PHF6: variants seen among roughly 807,000 people sequenced by gnomAD.
PHF6 encodes the protein PHD-like zinc finger protein.
In PHF6, 7 loss-of-function variants were observed where a neutral mutation model predicts 34.0. That is an observed-to-expected ratio of 0.21 (90% CI 0.12 to 0.39). PHF6 has a LOEUF of 0.39. Among genes scored for constraint, PHF6 ranks in the 10% least tolerant of loss-of-function variants. The probability of loss-of-function intolerance (pLI) is 1.00; values close to 1 mark genes in which losing one functional copy is unlikely to be tolerated. For missense variants in PHF6, 128 were observed against 262.8 expected (o/e 0.49, Z 3.55); for synonymous variants, 89 against 88.4 (o/e 1.01, Z -0.04).
chrX:134,398,100 AAGAT>A (rs2077384765), intron 5 of PHF6, among the ~76,000 whole-genome samples: 1 of 112,078 alleles, frequency 8.9e-6, no homozygotes, highest in Non-Finnish European at 1.9e-5. Context: ...ATGTAAGTAA[AAGAT>A]AGATAGAGGC....
intron 3 of PHF6, among the ~76,000 whole-genome samples, chrX:134,392,902 C>T (rs182616305): frequency 1.9e-3 from 208 of 110,440 alleles, no homozygotes; most frequent in Non-Finnish European, 2.5e-3. Context: ...TGGGTTCAAG[C>T]AGTTATGCTT....
Position 134,393,607 on chromosome X carries a change from G to A in PHF6, c.347G>A (p.Arg116Gln), listed in dbSNP as rs267606359. Residue 116 changes from arginine (R) to glutamine (Q), a missense_variant, in exon 4 of 11, where the codon CGA becomes CAA. Arg to Gln is a conservative substitution (Grantham distance 43). Coordinates refer to ENST00000370803, the MANE Select transcript of PHF6 (RefSeq NM_001015877.2). ...GCATTGCATGATAAAGCTCAAATAC[G>A]AGAGAAACCTTCACAAGGAATTTAC... The part of the protein sequence containing the change: ...HCALHDKAQI[R>Q]EKPSQGIYMV... The A allele has an allele frequency of 1.7e-6, 2 of 1,206,210 alleles. No individual in the cohort carries two copies. The highest frequency in any genetic ancestry group is 1.1e-6 in the Non-Finnish European group (1 of 891,356).
At chrX:134,420,274 C>T (rs1206583936) in intron 9 of PHF6, 1 of 102,865 alleles carries the variant, frequency 9.7e-6, no homozygotes, top group Non-Finnish European at 2.0e-5. Flanking sequence ...CCCCACTGCA[C>T]TCCAGCCTGG....
At chrX:134,399,970 A>G (rs960334297) in intron 5 of PHF6, among the ~76,000 whole-genome samples, 1 of 111,756 alleles carries the variant, frequency 8.9e-6, no homozygotes. Flanking sequence ...TACTGATACC[A>G]CTGATACTTT....
At chrX:134,424,916 A>G (rs1168866315) in intron 9 of PHF6, among the ~76,000 whole-genome samples, 1 of 111,806 alleles carries the variant, frequency 8.9e-6, no homozygotes, top group Non-Finnish European at 1.9e-5. Context: ...AAGTTGGCCA[A>G]AACTTTGCTT....
rs755665563 is a variant in PHF6 at position 134,428,134 on chromosome X, G to GT, written c.*2480dup. ...TCTTTCTTTTTTCTTTTTTTGTTTT[G>GT]TTTTTTGTTATTGATATTAAACAGT... On this transcript the variant is annotated 3_prime_UTR_variant, in exon 11 of 11. Transcript: ENST00000370803. The GT allele has an allele frequency of 2.4e-4, 36 of 151,520 alleles. No homozygotes were observed. The East Asian group carries it at 2.7e-3, about 11-fold the overall frequency. The allele number at this position is 151,520 out of a possible 1,213,427, so 12.5% of individuals were successfully genotyped here.
chrX:134,413,584 A>T lies in PHF6; in HGVS notation c.512A>T (p.Asn171Ile). 8.3e-7 allele frequency: 1 copy of T among 1,211,380 alleles called. No homozygotes were observed. Among genetic ancestry groups the T allele is most frequent in the Non-Finnish European group, 1.1e-6 (1 of 895,302 alleles). The change falls in exon 6 of 11, where the codon AAT becomes ATT. Residue 171 changes from asparagine (N) to isoleucine (I), a missense_variant. This residue lies in a region of PHF6 where 97 missense variants were observed against 152.9 expected (regional missense o/e 0.63). Coordinates refer to ENST00000370803, the MANE Select transcript of PHF6 (RefSeq NM_001015877.2). ...KSRKGRPRKTNFKGLSEDTRS... is the reference protein window; with the variant it reads ...KSRKGRPRKTIFKGLSEDTRS... ...CGCAAAGGAAGGCCAAGAAAAACTA[A>T]TTTTAAAGGGCTGTCAGAAGATACC...
At position 134,414,948 on chromosome X, in the gene PHF6, G is replaced by A. The variant is rs1328068271; in HGVS notation, c.730-68G>A. The A allele has an allele frequency of 7.0e-6, 6 of 858,746 alleles. No individual in the cohort carries two copies. In the African/African-American group the frequency reaches 1.0e-4, roughly 14 times the overall value. The allele number at this position is 858,746 out of a possible 1,213,427, so 70.8% of individuals were successfully genotyped here. ...TTCGGAAATTAAATATAACACACTT[G>A]TTATCACATTTAATGTTTCTCTCAT... On this transcript the variant is annotated intron_variant, in intron 7 of 10. Coordinates refer to ENST00000370803, the MANE Select transcript of PHF6 (RefSeq NM_001015877.2).
intron 9 of PHF6, chrX:134,418,087 A>G (rs977733635): frequency 2.7e-5 from 3 of 111,168 alleles, no homozygotes; most frequent in African/African-American, 9.8e-5. Flanking sequence ...CTTTAAGCTG[A>G]GATATTAAGG....
intron 9 of PHF6, chrX:134,417,915 T>C (rs895006293): frequency 8.9e-6 from 1 of 111,883 alleles, no homozygotes; most frequent in African/African-American, 3.3e-5. Flanking sequence ...TACAGTCTAT[T>C]GGGAGAGACC....
chrX:134,389,791 T>G (rs2124214944), intron 3 of PHF6, among the ~76,000 whole-genome samples: 1 of 111,714 alleles, frequency 9.0e-6, no homozygotes, highest in South Asian at 3.7e-4. Flanking sequence ...TTCCCAGTCC[T>G]AGATCAGAAT....
intron 3 of PHF6, among the ~76,000 whole-genome samples, chrX:134,384,602 T>C (rs1427249650): frequency 9.1e-6 from 1 of 109,482 alleles, no homozygotes; most frequent in African/African-American, 3.3e-5. Flanking sequence ...ATCAGTCACG[T>C]CAATTCTATT....
intron 3 of PHF6, among the ~76,000 whole-genome samples, chrX:134,381,697 G>T (rs1244749781): frequency 9.1e-6 from 1 of 110,238 alleles, no homozygotes; most frequent in African/African-American, 3.3e-5. Flanking sequence ...GTTTCACCAT[G>T]TTAGGCTGGT....
chrX:134,386,193 G>A (rs1228083957), intron 3 of PHF6, among the ~76,000 whole-genome samples: 1 of 111,577 alleles, frequency 9.0e-6, no homozygotes, highest in Non-Finnish European at 1.9e-5. Context: ...AGTAGATTGT[G>A]TGACTTACTT....
intron 9 of PHF6, among the ~76,000 whole-genome samples, chrX:134,421,795 T>C (rs2077492438): frequency 9.6e-6 from 1 of 103,761 alleles, no homozygotes; most frequent in South Asian, 4.5e-4. Flanking sequence ...AGCCATTCTT[T>C]TATTCGTTTG....
chrX:134,403,283 TGAAA>T (rs2077410007), intron 5 of PHF6, among the ~76,000 whole-genome samples: 1 of 111,720 alleles, frequency 9.0e-6, no homozygotes, highest in Non-Finnish European at 1.9e-5. Flanking sequence ...GATAAGAAAG[TGAAA>T]CAGCCCTATT....
intron 5 of PHF6, among the ~76,000 whole-genome samples, chrX:134,402,121 G>A (rs571728797): frequency 2.7e-5 from 3 of 111,125 alleles, no homozygotes; most frequent in Middle Eastern, 4.6e-3. Flanking sequence ...TCAGCCTCCC[G>A]AGTAGCTGGG....
rs780767522 is a variant in PHF6, at chrX:134,416,379, A to G, written c.835-790A>G. On this transcript the variant is annotated intron_variant, in intron 8 of 10. Transcript: ENST00000370803. ...AACAGGTGACTAAGATAACAATTCA[A>G]TTATCTTGCCAACTTATTGTTTACC... 6.3e-5 allele frequency among the ~76,000 whole-genome samples: 7 copies of G among 111,881 alleles called. No homozygotes were observed. In the East Asian group the frequency reaches 1.7e-3, roughly 27 times the overall value.
intron 5 of PHF6, among the ~76,000 whole-genome samples, chrX:134,398,479 A>G (rs1234520413): frequency 1.8e-5 from 2 of 112,065 alleles, no homozygotes; most frequent in African/African-American, 3.2e-5. Context: ...TTTGAATATT[A>G]TCCTAAGAAC....
Sources: allele counts gnomAD v4.1 joint callset (sites outside exome capture counted in the v4.1 genomes callset), GRCh38; gene constraint gnomAD v4.1.1; regional missense constraint gnomAD v4.1.1; transcripts MANE v1.5; gene names NCBI Gene and HGNC (gene_info 2026-07-23, HGNC 2026-07-21).